GRID1: variants seen among roughly 807,000 people sequenced by gnomAD.
GRID1 encodes the protein glutamate ionotropic receptor delta type subunit 1, also known as glutamate receptor ionotropic, delta-1.
Under a neutral mutation model 98.0 loss-of-function variants are expected in GRID1, and 28 were observed. The observed-to-expected ratio is 0.29, with a 90% confidence interval of 0.21 to 0.39. The LOEUF (loss-of-function observed/expected upper bound fraction) is 0.39, where lower values mean the gene tolerates loss of function less well. Ranked by LOEUF, GRID1 falls within the 10% of genes least tolerant of loss-of-function variation. The probability of loss-of-function intolerance (pLI) is 1.00; values close to 1 mark genes in which losing one functional copy is unlikely to be tolerated. For synonymous variants in GRID1, 553 were observed against 538.5 expected, an observed-to-expected ratio of 1.03 and a Z score of -0.37; for missense variants, 1,111 against 1,340.5, an observed-to-expected ratio of 0.83 and a Z score of 2.67.
At chr10:85,749,247 T>G (rs1315528194) in intron 8 of GRID1, among the ~76,000 whole-genome samples, 1 of 152,198 alleles carries the variant, frequency 6.6e-6, no homozygotes, top group African/African-American at 2.4e-5. Context: ...TGGGGTCTCT[T>G]GCTTCTGGCT....
intron 3 of GRID1, among the ~76,000 whole-genome samples, chr10:86,164,233 G>A (rs1405662250): frequency 2.0e-5 from 3 of 152,192 alleles, no homozygotes; most frequent in African/African-American, 7.2e-5. Flanking sequence ...AAATCTGGGG[G>A]AGGCTCCAGC....
chr10:85,644,576 T>C (rs190241610), intron 13 of GRID1, among the ~76,000 whole-genome samples: 111 of 152,344 alleles, frequency 7.3e-4, no homozygotes, highest in African/African-American at 2.5e-3. Context: ...TCTTTCTTTA[T>C]ATTGTTAATG....
intron 8 of GRID1, among the ~76,000 whole-genome samples, chr10:85,786,465 C>T (rs992752963): frequency 6.6e-6 from 1 of 152,190 alleles, no homozygotes; most frequent in African/African-American, 2.4e-5. Context: ...CAGTGGTCCA[C>T]CCCCTGCAGG....
intron 2 of GRID1, among the ~76,000 whole-genome samples, chr10:86,211,714 A>T (rs567652059): frequency 6.6e-6 from 1 of 152,290 alleles, no homozygotes; most frequent in Non-Finnish European, 1.5e-5. Context: ...GGTTAAAAAA[A>T]AAAAATCAGA....
rs72841463 is a variant in GRID1, at chr10:85,727,698, G to A, written c.1533+157C>T. ...ACAAGAGCAGAAATGGATGTAGCAG[G>A]GGATTTGAAGACAAAAGAGCCTTTG... On this transcript the variant is annotated intron_variant, in intron 10 of 15. Coordinates refer to ENST00000327946, the MANE Select transcript of GRID1 (RefSeq NM_017551.3). Among the ~76,000 whole-genome samples, 1,376 of 152,268 alleles carry A rather than the reference G, an allele frequency of 9.0e-3. 61 individuals are homozygous for A. In the East Asian group the frequency reaches 0.13, roughly 15 times the overall value.
At chr10:86,144,754 ACACTC>A (rs1845061121) in intron 3 of GRID1, among the ~76,000 whole-genome samples, 1 of 151,934 alleles carries the variant, frequency 6.6e-6, no homozygotes. Flanking sequence ...GCTCCCGGTC[ACACTC>A]CCACTAGTCC....
intron 5 of GRID1, among the ~76,000 whole-genome samples, chr10:85,905,449 A>G (rs1276977627): frequency 6.6e-6 from 1 of 152,064 alleles, no homozygotes; most frequent in African/African-American, 2.4e-5. Context: ...AAATATAAAT[A>G]GCACCTGAAA....
intron 12 of GRID1, among the ~76,000 whole-genome samples, chr10:85,699,829 G>A (rs897983726): frequency 1.6e-4 from 25 of 152,180 alleles, no homozygotes; most frequent in East Asian, 9.7e-4. Context: ...TTAGTTTAAC[G>A]CAATAATTTA....
chr10:85,689,858 T>C (rs1408742500), intron 12 of GRID1, among the ~76,000 whole-genome samples: 2 of 152,302 alleles, frequency 1.3e-5, no homozygotes, highest in East Asian at 3.9e-4. Context: ...TCTTCATATG[T>C]AGAGAACCAG....
intron 3 of GRID1, among the ~76,000 whole-genome samples, chr10:86,188,021 C>T (rs1180647649): frequency 6.6e-6 from 1 of 152,158 alleles, no homozygotes; most frequent in Non-Finnish European, 1.5e-5. Flanking sequence ...AGGCCTTTGC[C>T]CTGCCCTGCC....
chr10:86,268,646 C>T lies in GRID1; in HGVS notation c.236-61998G>A, dbSNP rs1481623522. 1.6e-4 allele frequency among the ~76,000 whole-genome samples: 24 copies of T among 152,178 alleles called. 1 individual carries two copies. The highest frequency in any genetic ancestry group is 1.6e-3 in the Admixed American group (24 of 15,282). ...AGTGCCAGATATGTCCCTATGATAA[C>T]CACATGATGAAATCTGAAAAAGTAA... On this transcript the variant is annotated intron_variant, in intron 2 of 15. Transcript: ENST00000327946.
chr10:85,752,904 G>A (rs1193300789), intron 8 of GRID1, among the ~76,000 whole-genome samples: 1 of 152,020 alleles, frequency 6.6e-6, no homozygotes, highest in Non-Finnish European at 1.5e-5. Context: ...TCCCTACCAG[G>A]TGGATATAAA....
At chr10:85,738,817 A>T (rs550885914) in intron 8 of GRID1, among the ~76,000 whole-genome samples, 27 of 152,288 alleles carry the variant, frequency 1.8e-4, no homozygotes, top group African/African-American at 5.5e-4. Flanking sequence ...TACTGAAAAT[A>T]GATCAATGTT....
intron 14 of GRID1, among the ~76,000 whole-genome samples, chr10:85,615,097 C>T (rs1842773188): frequency 6.6e-6 from 1 of 152,192 alleles, no homozygotes; most frequent in Non-Finnish European, 1.5e-5. Flanking sequence ...ACCTGCATTC[C>T]AGGTCAGCTG....
At chr10:85,986,296 A>G (rs1291672997) in intron 4 of GRID1, among the ~76,000 whole-genome samples, 1 of 152,272 alleles carries the variant, frequency 6.6e-6, no homozygotes, top group African/African-American at 2.4e-5. Flanking sequence ...AAAGGCAACT[A>G]CCTGCAAATA....
intron 2 of GRID1, among the ~76,000 whole-genome samples, chr10:86,338,040 A>G (rs1391639240): frequency 6.6e-6 from 1 of 152,172 alleles, no homozygotes; most frequent in East Asian, 1.9e-4. Context: ...CTGGTTTTGG[A>G]AAGAAGTGAG....
intron 2 of GRID1, among the ~76,000 whole-genome samples, chr10:86,250,819 C>G (rs141303046): frequency 6.6e-6 from 1 of 151,974 alleles, no homozygotes; most frequent in South Asian, 2.1e-4. Flanking sequence ...CCCCTCTGCC[C>G]GGCCACCACC....
chr10:85,700,768 A>C (rs1404251277), intron 12 of GRID1, among the ~76,000 whole-genome samples: 1 of 152,186 alleles, frequency 6.6e-6, no homozygotes, highest in African/African-American at 2.4e-5. Context: ...AAATTGCTTA[A>C]TGTAATTGAT....
intron 2 of GRID1, among the ~76,000 whole-genome samples, chr10:86,242,695 G>A (rs1033591227): frequency 1.3e-5 from 2 of 152,148 alleles, no homozygotes; most frequent in African/African-American, 2.4e-5. Context: ...GTCCAAAAGG[G>A]CCTCTCCAGC....
Sources: gnomAD v4.1 joint callset for allele counts (sites outside exome capture counted in the v4.1 genomes callset) on GRCh38, gnomAD v4.1.1 for gene constraint, MANE v1.5 for transcripts, NCBI Gene and HGNC (gene_info 2026-07-23, HGNC 2026-07-21) for gene names.